PPP2R3A: variants seen among roughly 807,000 people sequenced by gnomAD.
PPP2R3A encodes the protein serine/threonine-protein phosphatase 2A regulatory subunit B'' subunit alpha.
In PPP2R3A, 80 loss-of-function variants were observed where a neutral mutation model predicts 106.9. That is an observed-to-expected ratio of 0.75 (90% CI 0.62 to 0.90). The LOEUF (loss-of-function observed/expected upper bound fraction) is 0.90. Among genes scored for constraint, PPP2R3A ranks in the 40% least tolerant of loss-of-function variants. The pLI is 0.00. For synonymous variants in PPP2R3A, 483 were observed against 468.3 expected (o/e 1.03, Z -0.41); for missense variants, 1,386 against 1,350.4 (o/e 1.03, Z -0.41).
In PPP2R3A at chr3:136,056,623, A is replaced by G. The variant is rs143699196; in HGVS notation, c.2469+7262A>G. Among the ~76,000 whole-genome samples the G allele has an allele frequency of 2.0e-3, 311 of 152,290 alleles. 1 individual carries two copies. The highest frequency in any genetic ancestry group is 6.8e-3 in the Middle Eastern group (2 of 294). On this transcript the variant is annotated intron_variant, in intron 5 of 13. Transcript: ENST00000264977. ...TTAAAGACTTAAATGTAATACCTGA[A>G]ACTGTAAAGAAAACATAGGGGTAAG... is the stretch of plus-strand genomic sequence containing the variant.
intron 13 of PPP2R3A, among the ~76,000 whole-genome samples, chr3:136,126,929 G>A (rs1169849705): frequency 2.0e-5 from 3 of 152,172 alleles, no homozygotes; most frequent in Admixed American, 2.0e-4. Context: ...GGACCTGACT[G>A]TTAGAAGGAA....
chr3:136,141,101 C>T (rs556945953), intron 13 of PPP2R3A, among the ~76,000 whole-genome samples: 6 of 152,246 alleles, frequency 3.9e-5, no homozygotes, highest in South Asian at 2.1e-4. Flanking sequence ...AGTTACAAAA[C>T]GGACACTTTA....
At chr3:136,069,147 T>A (rs981939898) in intron 5 of PPP2R3A, among the ~76,000 whole-genome samples, 3 of 152,196 alleles carry the variant, frequency 2.0e-5, no homozygotes, top group Non-Finnish European at 4.4e-5. Context: ...TTTGAGTAGT[T>A]TCATATCTTA....
chr3:136,095,064 T>C (rs1312315251), intron 10 of PPP2R3A, among the ~76,000 whole-genome samples: 1 of 152,172 alleles, frequency 6.6e-6, no homozygotes, highest in Non-Finnish European at 1.5e-5. Context: ...GGTGCCCCTC[T>C]CTGGATTTTC....
At chr3:136,034,022 T>C (rs1006525364) in intron 3 of PPP2R3A, among the ~76,000 whole-genome samples, 17 of 144,422 alleles carry the variant, frequency 1.2e-4, no homozygotes, top group African/African-American at 4.2e-4. Context: ...TTTCAGACTT[T>C]TTTTCTTTTT....
At chr3:136,127,641 C>A (rs1161171598) in intron 13 of PPP2R3A, among the ~76,000 whole-genome samples, 1 of 152,108 alleles carries the variant, frequency 6.6e-6, no homozygotes, top group Non-Finnish European at 1.5e-5. Context: ...GGCCAACATT[C>A]AAATTCAGGA....
intron 13 of PPP2R3A, among the ~76,000 whole-genome samples, chr3:136,115,878 T>A (rs762550552): frequency 8.6e-5 from 13 of 151,560 alleles, no homozygotes; most frequent in African/African-American, 1.2e-4. Flanking sequence ...AACATTCAAA[T>A]TCAGGAAATA....
At chr3:136,070,924 T>C (rs1337154848) in intron 6 of PPP2R3A, among the ~76,000 whole-genome samples, 1 of 152,232 alleles carries the variant, frequency 6.6e-6, no homozygotes, top group African/African-American at 2.4e-5. Context: ...TACCTCAAAG[T>C]TAGAACTGGA....
chr3:136,098,945 A>G (rs1296122226), intron 10 of PPP2R3A, among the ~76,000 whole-genome samples: 1 of 152,184 alleles, frequency 6.6e-6, no homozygotes, highest in Non-Finnish European at 1.5e-5. Context: ...TGGAGAACAT[A>G]AAACAGAGGG....
chr3:136,074,864 G>GA (rs952724306), intron 6 of PPP2R3A, among the ~76,000 whole-genome samples: 37 of 151,614 alleles, frequency 2.4e-4, no homozygotes, highest in African/African-American at 8.7e-4. Flanking sequence ...TCTTAAGAGA[G>GA]AAAAAAAAAT....
At chr3:136,099,841 T>C (rs1003661342) in intron 10 of PPP2R3A, among the ~76,000 whole-genome samples, 1 of 151,780 alleles carries the variant, frequency 6.6e-6, no homozygotes, top group African/African-American at 2.4e-5. Context: ...ATTAGCCACA[T>C]TTCAGATGCT....
In PPP2R3A at chr3:136,102,015, A is replaced by G. The variant is rs751274881; in HGVS notation, c.2936A>G (p.Tyr979Cys). Residue 979 changes from tyrosine (Y) to cysteine (C), a missense_variant, in exon 11 of 14, where the codon TAT becomes TGT. Tyr to Cys is a radical substitution (Grantham distance 194). Transcript: ENST00000264977. ...EDKRNPTSIE[Y>C]WFRCMDVDGD... ...TTGTCCTTATCATCTAGCATTGAGT[A>G]TTGGTTCCGCTGCATGGATGTGGAT... The G allele has an allele frequency of 1.2e-6, 2 of 1,613,640 alleles. No homozygotes were observed. Among genetic ancestry groups the G allele is most frequent in the South Asian group, 1.1e-5 (1 of 90,976 alleles).
chr3:136,027,633 C>T (rs1288469124), intron 3 of PPP2R3A, among the ~76,000 whole-genome samples: 2 of 152,192 alleles, frequency 1.3e-5, no homozygotes, highest in Admixed American at 1.3e-4. Flanking sequence ...TTCTGTGCCT[C>T]CAGCCTCCTC....
chr3:136,014,225 A>G (rs1285224043), intron 2 of PPP2R3A, among the ~76,000 whole-genome samples: 1 of 151,412 alleles, frequency 6.6e-6, no homozygotes, highest in Non-Finnish European at 1.5e-5. Context: ...CTATAGCGAT[A>G]TAGTATAGTT....
chr3:135,996,917 T>C (rs922361341), intron 1 of PPP2R3A, among the ~76,000 whole-genome samples: 3 of 152,152 alleles, frequency 2.0e-5, no homozygotes, highest in African/African-American at 7.2e-5. Flanking sequence ...TGGAAAAAAA[T>C]TCCTTGTATT....
chr3:136,137,261 C>G (rs1938654972), intron 13 of PPP2R3A, among the ~76,000 whole-genome samples: 1 of 152,014 alleles, frequency 6.6e-6, no homozygotes, highest in African/African-American at 2.4e-5. Flanking sequence ...TTGACTAATA[C>G]TTGAAAAAAT....
At chr3:136,011,984 C>CACACAT (rs1474780791) in intron 2 of PPP2R3A, among the ~76,000 whole-genome samples, 1 of 139,136 alleles carries the variant, frequency 7.2e-6, no homozygotes, top group African/African-American at 3.1e-5. Flanking sequence ...TACACACACA[C>CACACAT]ACACACACAT....
In PPP2R3A at chr3:136,106,020, A is replaced by G. The variant is rs936363326; in HGVS notation, c.3223-196A>G. ...TCTATACCTAAAAAACCTGGCTGCT[A>G]AACAGTTATAATTTTGCCATTTGAG... On this transcript the variant is annotated intron_variant, in intron 12 of 13. Coordinates refer to ENST00000264977, the MANE Select transcript of PPP2R3A (RefSeq NM_002718.5). 3.9e-5 allele frequency among the ~76,000 whole-genome samples: 6 copies of G among 152,186 alleles called. No homozygotes were observed. The East Asian group carries it at 1.2e-3, about 29-fold the overall frequency.
At chr3:136,112,128 C>G (rs1023070619) in intron 13 of PPP2R3A, among the ~76,000 whole-genome samples, 4 of 152,104 alleles carry the variant, frequency 2.6e-5, no homozygotes, top group Non-Finnish European at 5.9e-5. Flanking sequence ...AAACTGGCAT[C>G]TAAGGAACAT....
Sources: gnomAD v4.1 joint callset for allele counts (sites outside exome capture counted in the v4.1 genomes callset) on GRCh38, gnomAD v4.1.1 for gene constraint, MANE v1.5 for transcripts, NCBI Gene and HGNC (gene_info 2026-07-23, HGNC 2026-07-21) for gene names.